Variants in SGCZ observed in about 807,000 individuals in gnomAD.
SGCZ encodes the protein sarcoglycan zeta.
A neutral mutation model predicts 41.3 loss-of-function variants in SGCZ; 40 were observed. That is an observed-to-expected ratio of 0.97 (90% confidence interval 0.75 to 1.26). SGCZ has a LOEUF of 1.26. Ranked by LOEUF, SGCZ falls within the 50% of genes most tolerant of loss-of-function variation. The pLI is 0.00. For missense variants in SGCZ, 552 were observed against 369.8 expected (o/e 1.49, Z -4.04); for synonymous variants, 206 against 137.5 (o/e 1.50, Z -3.49).
At chr8:14,671,641 G>T (rs1808105543) in intron 1 of SGCZ, among the ~76,000 whole-genome samples, 1 of 152,048 alleles carries the variant, frequency 6.6e-6, no homozygotes, top group Non-Finnish European at 1.5e-5. Flanking sequence ...AGAAAACCCA[G>T]AAACTAAGCC....
chr8:14,871,814 A>G (rs1196993191), intron 1 of SGCZ, among the ~76,000 whole-genome samples: 1 of 143,020 alleles, frequency 7.0e-6, no homozygotes, highest in African/African-American at 2.7e-5. Flanking sequence ...AAAATGTATA[A>G]TATGTGTGTG....
intron 1 of SGCZ, among the ~76,000 whole-genome samples, chr8:14,889,651 G>C (rs1219254678): frequency 6.6e-6 from 1 of 151,816 alleles, no homozygotes; most frequent in African/African-American, 2.4e-5. Context: ...AAAAAAATTT[G>C]TGAAAATGTT....
chr8:14,118,084 T>G (rs1200896906), intron 5 of SGCZ, among the ~76,000 whole-genome samples: 1 of 152,070 alleles, frequency 6.6e-6, no homozygotes, highest in Non-Finnish European at 1.5e-5. Flanking sequence ...TTTATAATCC[T>G]CTAGGTATAT....
rs555362492 is a variant in SGCZ, at chr8:14,991,380, ACT to A, written c.39+246203_39+246204del. Among the ~76,000 whole-genome samples the A allele has an allele frequency of 5.3e-5, 8 of 152,162 alleles. 1 individual carries two copies. In the South Asian group the frequency reaches 1.5e-3, roughly 28 times the overall value. ...GCTCACTTCTGACCTATTCAGGCAG[ACT>A]CTGCATTGTAACAAAATCTGCAAAT... On this transcript the variant is annotated intron_variant, in intron 1 of 7. Transcript: ENST00000382080.
At chr8:14,396,301 C>T (rs1012570086) in intron 2 of SGCZ, among the ~76,000 whole-genome samples, 1 of 152,010 alleles carries the variant, frequency 6.6e-6, no homozygotes, top group African/African-American at 2.4e-5. Flanking sequence ...ATTGTATATT[C>T]TTGTAATATT....
At chr8:14,413,693 C>T (rs1799420485) in intron 2 of SGCZ, among the ~76,000 whole-genome samples, 1 of 151,914 alleles carries the variant, frequency 6.6e-6, no homozygotes, top group East Asian at 1.9e-4. Flanking sequence ...TGCCTATTTC[C>T]TTTTTTGAGA....
At chr8:14,434,167 G>C (rs1284429838) in intron 2 of SGCZ, among the ~76,000 whole-genome samples, 1 of 152,158 alleles carries the variant, frequency 6.6e-6, no homozygotes, top group Non-Finnish European at 1.5e-5. Context: ...TGAGGACCCA[G>C]TTTCATTCTC....
intron 1 of SGCZ, among the ~76,000 whole-genome samples, chr8:14,718,343 T>G (rs1309324574): frequency 6.6e-6 from 1 of 151,946 alleles, no homozygotes; most frequent in African/African-American, 2.4e-5. Context: ...AAAATTATTA[T>G]GCTCAGGAAA....
chr8:14,231,217 AAGAG>A (rs150242028), intron 4 of SGCZ, among the ~76,000 whole-genome samples: 5,261 of 73,174 alleles, frequency 0.072, 284 homozygotes, highest in East Asian at 0.32. Flanking sequence ...GAGAGGGGGA[AAGAG>A]AGAGAGAGAC....
chr8:15,040,114 G>C (rs974551064), intron 1 of SGCZ, among the ~76,000 whole-genome samples: 11 of 152,192 alleles, frequency 7.2e-5, no homozygotes, highest in African/African-American at 2.7e-4. Context: ...AAGACCATGA[G>C]ACAGCAAATT....
At chr8:14,875,839 A>G (rs1804338618) in intron 1 of SGCZ, among the ~76,000 whole-genome samples, 2 of 152,276 alleles carry the variant, frequency 1.3e-5, no homozygotes, top group South Asian at 2.1e-4. Context: ...CTGGGCCACA[A>G]TTTAGTTGGT....
chr8:14,215,230 A>T (rs1805954068), intron 4 of SGCZ, among the ~76,000 whole-genome samples: 1 of 152,194 alleles, frequency 6.6e-6, no homozygotes, highest in Non-Finnish European at 1.5e-5. Flanking sequence ...ATTTTCAAAC[A>T]CTTGAAAACT....
intron 3 of SGCZ, among the ~76,000 whole-genome samples, chr8:14,249,902 A>G (rs1271583016): frequency 6.6e-6 from 1 of 152,226 alleles, no homozygotes; most frequent in East Asian, 1.9e-4. Flanking sequence ...TAGCTAAATC[A>G]AAAGAGTAAG....
At chr8:14,553,126 C>G (rs1023933713) in intron 2 of SGCZ, among the ~76,000 whole-genome samples, 1 of 151,940 alleles carries the variant, frequency 6.6e-6, no homozygotes, top group Non-Finnish European at 1.5e-5. Context: ...TCCTACCATA[C>G]GATAAATGAC....
At chr8:14,943,874 T>C (rs1311401044) in intron 1 of SGCZ, among the ~76,000 whole-genome samples, 1 of 152,178 alleles carries the variant, frequency 6.6e-6, no homozygotes, top group African/African-American at 2.4e-5. Flanking sequence ...GAAAGTGACC[T>C]CTAGCTCTAA....
intron 3 of SGCZ, among the ~76,000 whole-genome samples, chr8:14,282,392 C>T (rs541376289): frequency 4.6e-5 from 7 of 152,090 alleles, no homozygotes; most frequent in African/African-American, 1.7e-4. Context: ...ATTCTATCAT[C>T]TTCCTAACCT....
chr8:15,123,970 A>T (rs1807582266), intron 1 of SGCZ, among the ~76,000 whole-genome samples: 1 of 152,178 alleles, frequency 6.6e-6, no homozygotes, highest in African/African-American at 2.4e-5. Flanking sequence ...AGAAAGAGGG[A>T]ACATTGGACA....
At chr8:14,172,031 C>T (rs1459679625) in intron 4 of SGCZ, among the ~76,000 whole-genome samples, 4 of 152,004 alleles carry the variant, frequency 2.6e-5, no homozygotes, top group African/African-American at 9.7e-5. Flanking sequence ...GAATTGCTTG[C>T]TTTGAAGAGT....
At chr8:14,978,220 C>G (rs1034977078) in intron 1 of SGCZ, among the ~76,000 whole-genome samples, 1 of 132,458 alleles carries the variant, frequency 7.5e-6, no homozygotes, top group Non-Finnish European at 1.7e-5. Context: ...GTAATCCCAG[C>G]ACTTTAGGAG....
Sources: allele counts gnomAD v4.1 joint callset (sites outside exome capture counted in the v4.1 genomes callset), GRCh38; gene constraint gnomAD v4.1.1; transcripts MANE v1.5; gene names NCBI Gene and HGNC (gene_info 2026-07-23, HGNC 2026-07-21).